Variants in REDIC1 observed in about 807,000 individuals in gnomAD.
REDIC1 encodes HEI10 Interacting Protein 1.
At chr12:39,684,940 C>T in the REDIC1 span, 1 of 1,587,776 alleles carries the variant, frequency 6.3e-7, no homozygotes, top group Non-Finnish European at 8.6e-7. Context: ...AAAGCACAGT[C>T]TCACATTATC....
chr12:39,712,412 G>T, the REDIC1 span, among the ~76,000 whole-genome samples: 3 of 121,926 alleles, frequency 2.5e-5, no homozygotes, highest in African/African-American at 5.9e-5. Context: ...ATATACATAC[G>T]TATATACATA....
At chr12:39,646,804 A>G in the REDIC1 span, 1 of 1,394,060 alleles carries the variant, frequency 7.2e-7, no homozygotes, top group Non-Finnish European at 1.0e-6. Context: ...TTTTATTTCA[A>G]TTTATATTTT....
the REDIC1 span, among the ~76,000 whole-genome samples, chr12:39,792,939 G>T: frequency 1.3e-5 from 2 of 152,098 alleles, no homozygotes; most frequent in African/African-American, 4.8e-5. Context: ...GTGAACCAAA[G>T]TTATGAACTT....
the REDIC1 span, among the ~76,000 whole-genome samples, chr12:39,821,282 C>T: frequency 6.6e-6 from 1 of 152,036 alleles, no homozygotes; most frequent in African/African-American, 2.4e-5. Context: ...TGTTGGCGGG[C>T]GCCTGTAGTC....
At chr12:39,892,968 G>C in the REDIC1 span, among the ~76,000 whole-genome samples, 17 of 152,028 alleles carry the variant, frequency 1.1e-4, no homozygotes, top group Admixed American at 9.2e-4. Context: ...CATATAATCA[G>C]AAATAAAATT....
chr12:39,867,497 A>T, the REDIC1 span, among the ~76,000 whole-genome samples: 1 of 152,182 alleles, frequency 6.6e-6, no homozygotes, highest in Admixed American at 6.5e-5. Flanking sequence ...TGTTAAGTCC[A>T]TCCAATTACA....
the REDIC1 span, among the ~76,000 whole-genome samples, chr12:39,881,486 C>T: frequency 2.6e-5 from 4 of 152,298 alleles, no homozygotes; most frequent in Non-Finnish European, 2.9e-5. Context: ...CAACACTTTT[C>T]ACCTCGCCTC....
At chr12:39,847,477 G>T in the REDIC1 span, among the ~76,000 whole-genome samples, 149 of 152,206 alleles carry the variant, frequency 9.8e-4, no homozygotes, top group Non-Finnish European at 1.6e-3. Context: ...ACTTCAAAGG[G>T]AGCTGATTCA....
the REDIC1 span, among the ~76,000 whole-genome samples, chr12:39,713,186 T>C: frequency 6.7e-6 from 1 of 150,068 alleles, no homozygotes; most frequent in African/African-American, 2.4e-5. Flanking sequence ...CATATACCCA[T>C]GTGTATATAT....
the REDIC1 span, among the ~76,000 whole-genome samples, chr12:39,718,764 G>A: frequency 1.3e-5 from 2 of 151,958 alleles, no homozygotes; most frequent in Non-Finnish European, 2.9e-5. Context: ...AAGGCATCTG[G>A]GAATGTGTCT....
chr12:39,830,932 T>C, the REDIC1 span, among the ~76,000 whole-genome samples: 2 of 152,188 alleles, frequency 1.3e-5, no homozygotes, highest in Non-Finnish European at 2.9e-5. Flanking sequence ...CAGTTACTCA[T>C]TGCTCATTTG....
chr12:39,756,088 AT>A, the REDIC1 span: 1 of 151,988 alleles, frequency 6.6e-6, no homozygotes, highest in Non-Finnish European at 1.5e-5. Context: ...AACCTGAACC[AT>A]TTCATCAAAT....
chr12:39,696,643 A>G, the REDIC1 span, among the ~76,000 whole-genome samples: 1 of 151,548 alleles, frequency 6.6e-6, no homozygotes, highest in Non-Finnish European at 1.5e-5. Context: ...ACAGTATTCA[A>G]AATAGCTGTT....
At chr12:39,896,729 T>G in the REDIC1 span, among the ~76,000 whole-genome samples, 2 of 152,042 alleles carry the variant, frequency 1.3e-5, no homozygotes. Flanking sequence ...TAGTATACCC[T>G]AATAAAACAT....
At chr12:39,851,750 C>T in the REDIC1 span, among the ~76,000 whole-genome samples, 1 of 152,170 alleles carries the variant, frequency 6.6e-6, no homozygotes, top group Non-Finnish European at 1.5e-5. Flanking sequence ...ATATTTAAGA[C>T]ATGCTGAGCT....
the REDIC1 span, among the ~76,000 whole-genome samples, chr12:39,669,038 C>T: frequency 6.6e-6 from 1 of 152,134 alleles, no homozygotes. Context: ...CATCTGAAGC[C>T]TTCTTCTCTC....
the REDIC1 span, among the ~76,000 whole-genome samples, chr12:39,671,936 C>T: frequency 6.6e-6 from 1 of 152,202 alleles, no homozygotes; most frequent in African/African-American, 2.4e-5. Flanking sequence ...AGATGATCCC[C>T]AGACCCCCAG....
the REDIC1 span, among the ~76,000 whole-genome samples, chr12:39,705,763 C>T: frequency 6.6e-6 from 1 of 151,916 alleles, no homozygotes; most frequent in African/African-American, 2.4e-5. Context: ...ATTTAACATC[C>T]CTTCATGGTA....
At chr12:39,866,246 G>C in the REDIC1 span, among the ~76,000 whole-genome samples, 1 of 152,322 alleles carries the variant, frequency 6.6e-6, no homozygotes, top group African/African-American at 2.4e-5. Context: ...TATAATAGTT[G>C]AGATGTTTTT....
Sources: allele counts gnomAD v4.1 joint callset (sites outside exome capture counted in the v4.1 genomes callset), GRCh38; gene constraint gnomAD v4.1.1; transcripts MANE v1.5; gene names NCBI Gene and HGNC (gene_info 2026-07-23, HGNC 2026-07-21).